WWOX: variants seen among roughly 807,000 people sequenced by gnomAD.
WWOX encodes the protein WW domain-containing oxidoreductase.
Under a neutral mutation model 46.2 loss-of-function variants are expected in WWOX, and 69 were observed. The ratio of observed to expected loss-of-function variants is 1.49; its 90% CI spans 1.23 to 1.82. WWOX has a LOEUF of 1.82. Ranked by LOEUF, WWOX falls within the 40% of genes most tolerant of loss-of-function variation. The probability of loss-of-function intolerance (pLI) is 0.00; values close to 1 mark genes in which losing one functional copy is unlikely to be tolerated. For missense variants in WWOX, 919 were observed against 542.6 expected, an observed-to-expected ratio of 1.69 and a Z score of -6.89; for synonymous variants, 359 against 202.6, an observed-to-expected ratio of 1.77 and a Z score of -6.56.
At chr16:78,762,113 T>C (rs2049809196) in intron 8 of WWOX, among the ~76,000 whole-genome samples, 1 of 152,196 alleles carries the variant, frequency 6.6e-6, no homozygotes. Flanking sequence ...AGTAATCCTG[T>C]AAGGTATGGC....
At chr16:78,841,160 C>A (rs546686557) in intron 8 of WWOX, among the ~76,000 whole-genome samples, 4 of 152,162 alleles carry the variant, frequency 2.6e-5, no homozygotes, top group Non-Finnish European at 4.4e-5. Flanking sequence ...AGATACACAA[C>A]GTGCACTGGG....
At chr16:78,583,927 T>C (rs755379323) in intron 8 of WWOX, among the ~76,000 whole-genome samples, 1 of 152,238 alleles carries the variant, frequency 6.6e-6, no homozygotes, top group African/African-American at 2.4e-5. Flanking sequence ...AAAACTGCTA[T>C]GTGACATTGC....
chr16:79,069,152 G>C (rs752033854), intron 8 of WWOX, among the ~76,000 whole-genome samples: 2 of 152,166 alleles, frequency 1.3e-5, no homozygotes, highest in Non-Finnish European at 2.9e-5. Flanking sequence ...GCCCTGCGCT[G>C]CGCTTGGCGA....
intron 8 of WWOX, among the ~76,000 whole-genome samples, chr16:78,515,783 G>A (rs767774385): frequency 6.6e-6 from 1 of 152,164 alleles, no homozygotes. Context: ...GTAACTTAGC[G>A]GAGGGTACAG....
chr16:78,371,527 C>G (rs767922192), intron 5 of WWOX, among the ~76,000 whole-genome samples: 20 of 139,346 alleles, frequency 1.4e-4, no homozygotes, highest in Non-Finnish European at 2.6e-4. Context: ...TCCATTTTGT[C>G]TTTTACTTAT....
chr16:78,856,424 C>G (rs1327140724), intron 8 of WWOX, among the ~76,000 whole-genome samples: 1 of 152,176 alleles, frequency 6.6e-6, no homozygotes, highest in Admixed American at 6.5e-5. Flanking sequence ...GGGTGGATAG[C>G]TTGAGGTCAA....
At chr16:78,772,826 C>T (rs867824446) in intron 8 of WWOX, among the ~76,000 whole-genome samples, 2 of 152,046 alleles carry the variant, frequency 1.3e-5, no homozygotes, top group Admixed American at 6.6e-5. Flanking sequence ...TGAGACCAGC[C>T]TGGACAACAT....
intron 8 of WWOX, among the ~76,000 whole-genome samples, chr16:79,020,563 T>C: frequency 6.6e-6 from 1 of 152,182 alleles, no homozygotes; most frequent in East Asian, 1.9e-4. Flanking sequence ...CTATAAATGT[T>C]TGCTATTATT....
chr16:78,447,208 T>C (rs188543803), intron 8 of WWOX, among the ~76,000 whole-genome samples: 38 of 152,348 alleles, frequency 2.5e-4, no homozygotes, highest in African/African-American at 8.2e-4. Context: ...CCTGGACAGA[T>C]GGATTTTCTA....
chr16:78,269,301 A>G (rs1045117997), intron 5 of WWOX: 1 of 152,122 alleles, frequency 6.6e-6, no homozygotes, highest in Non-Finnish European at 1.5e-5. Flanking sequence ...AGGTGGGCCT[A>G]ATTAACCTTG....
intron 8 of WWOX, among the ~76,000 whole-genome samples, chr16:78,892,473 C>T (rs185258718): frequency 9.9e-5 from 15 of 152,144 alleles, no homozygotes; most frequent in African/African-American, 2.2e-4. Context: ...CTAGTTGGAA[C>T]GGTGGTCATG....
intron 8 of WWOX, among the ~76,000 whole-genome samples, chr16:79,207,572 ACAAT>A (rs1459695227): frequency 1.3e-5 from 2 of 152,220 alleles, no homozygotes; most frequent in African/African-American, 4.8e-5. Context: ...CTACTCTCTC[ACAAT>A]CATTGAATAT....
chr16:79,122,375 C>T (rs2049654007), intron 8 of WWOX, among the ~76,000 whole-genome samples: 1 of 152,120 alleles, frequency 6.6e-6, no homozygotes, highest in African/African-American at 2.4e-5. Context: ...CTAAAAGCCG[C>T]ACAAAATCCT....
chr16:79,021,459 T>G (rs1055161737), intron 8 of WWOX, among the ~76,000 whole-genome samples: 2 of 152,148 alleles, frequency 1.3e-5, no homozygotes, highest in African/African-American at 4.8e-5. Flanking sequence ...ACCAATCATA[T>G]TAAAATACAG....
chr16:78,903,640 C>G (rs1025279040), intron 8 of WWOX, among the ~76,000 whole-genome samples: 7 of 152,160 alleles, frequency 4.6e-5, no homozygotes, highest in African/African-American at 1.7e-4. Context: ...AGTGAAATGG[C>G]TTTAGATTCC....
At chr16:78,970,596 G>A (rs896037046) in intron 8 of WWOX, among the ~76,000 whole-genome samples, 1 of 152,188 alleles carries the variant, frequency 6.6e-6, no homozygotes, top group African/African-American at 2.4e-5. Context: ...AAGGTAGAAG[G>A]AACAGTATGA....
chr16:79,019,129 G>C (rs376310476), intron 8 of WWOX, among the ~76,000 whole-genome samples: 3 of 123,670 alleles, frequency 2.4e-5, no homozygotes, highest in African/African-American at 9.3e-5. Context: ...CTGCCTTCTA[G>C]CCTGGGCAGC....
chr16:78,727,639 C>G (rs79039799), intron 8 of WWOX, among the ~76,000 whole-genome samples: 3,812 of 152,234 alleles, frequency 0.025, 183 homozygotes, highest in African/African-American at 0.086. Flanking sequence ...CTCTCTCATA[C>G]CTTTCCCTTA....
intron 5 of WWOX, among the ~76,000 whole-genome samples, chr16:78,242,422 A>G (rs16947309): frequency 1.3e-5 from 2 of 152,234 alleles, no homozygotes; most frequent in Non-Finnish European, 2.9e-5. Context: ...CTAAATAAAT[A>G]TTCGGGCAAC....
Sources: allele counts gnomAD v4.1 joint callset (sites outside exome capture counted in the v4.1 genomes callset), GRCh38; gene constraint gnomAD v4.1.1; transcripts MANE v1.5; gene names NCBI Gene and HGNC (gene_info 2026-07-23, HGNC 2026-07-21).